ZDHHC17: variants seen among roughly 807,000 people sequenced by gnomAD.
ZDHHC17 encodes palmitoyltransferase ZDHHC17.
In ZDHHC17, 40 loss-of-function variants were observed where a neutral mutation model predicts 90.3. The observed-to-expected ratio is 0.44, with a 90% CI of 0.34 to 0.58. The LOEUF is 0.58. ZDHHC17 is among the 20% of genes least tolerant of loss of function. The pLI is 0.01. For missense variants in ZDHHC17, 614 were observed against 780.8 expected, an observed-to-expected ratio of 0.79 and a Z score of 2.55; for synonymous variants, 235 against 252.4, an observed-to-expected ratio of 0.93 and a Z score of 0.65.
chr12:76,846,106 G>T (rs543269887), intron 13 of ZDHHC17, among the ~76,000 whole-genome samples: 1 of 152,184 alleles, frequency 6.6e-6, no homozygotes, highest in Admixed American at 6.5e-5. Flanking sequence ...GATATTATGT[G>T]CAGAGGTAGA....
chr12:76,772,258 G>T (rs950143196), intron 1 of ZDHHC17, among the ~76,000 whole-genome samples: 6 of 152,140 alleles, frequency 3.9e-5, no homozygotes, highest in Non-Finnish European at 5.9e-5. Context: ...GGTTACAAAT[G>T]GTCTCATTTG....
chr12:76,782,563 TAAAG>T lies in ZDHHC17; in HGVS notation c.94-14866_94-14863del, dbSNP rs573647246. On this transcript the variant is annotated intron_variant, in intron 1 of 16. Coordinates refer to ENST00000426126, the MANE Select transcript of ZDHHC17 (RefSeq NM_015336.4). The stretch of plus-strand genomic sequence containing the variant: ...GTCTAGTGACATCTTGAAAGAAACT[TAAAG>T]AAAGTTGCCTGCTCAGCAGACACAA... Among the ~76,000 whole-genome samples the T allele has an allele frequency of 8.5e-5, 13 of 152,174 alleles. No individual in the cohort carries two copies. The South Asian group carries it at 1.5e-3, about 17-fold the overall frequency.
intron 1 of ZDHHC17, among the ~76,000 whole-genome samples, chr12:76,776,124 A>T (rs2137717408): frequency 6.6e-6 from 1 of 152,266 alleles, no homozygotes; most frequent in African/African-American, 2.4e-5. Context: ...GAAAAAAAAA[A>T]TTCTTGACAA....
intron 16 of ZDHHC17, chr12:76,849,720 ATAG>A: frequency 3.6e-6 from 1 of 275,966 alleles, no homozygotes; most frequent in South Asian, 7.5e-5. Flanking sequence ...GTGCTTAGAA[ATAG>A]TAGGGTCCTA....
chr12:76,767,898 C>G (rs757622969), intron 1 of ZDHHC17, among the ~76,000 whole-genome samples: 35 of 150,040 alleles, frequency 2.3e-4, no homozygotes, highest in Non-Finnish European at 4.7e-4. Flanking sequence ...GCAACAAGAG[C>G]AAAACTCTCT....
chr12:76,830,752 C>T (rs1390401781), intron 10 of ZDHHC17, among the ~76,000 whole-genome samples: 1 of 152,106 alleles, frequency 6.6e-6, no homozygotes, highest in Non-Finnish European at 1.5e-5. Context: ...AATCAGATCT[C>T]AAAATGTTAA....
chr12:76,821,932 G>A (rs560317493), intron 7 of ZDHHC17, among the ~76,000 whole-genome samples: 1 of 152,256 alleles, frequency 6.6e-6, no homozygotes, highest in South Asian at 2.1e-4. Context: ...CAGTACAATA[G>A]TGGTAGAAGT....
intron 10 of ZDHHC17, among the ~76,000 whole-genome samples, chr12:76,835,166 T>C (rs1953348853): frequency 6.6e-6 from 1 of 151,990 alleles, no homozygotes; most frequent in Admixed American, 6.6e-5. Context: ...TTCTCCCACT[T>C]CAGCCTCCTA....
intron 1 of ZDHHC17, among the ~76,000 whole-genome samples, chr12:76,786,161 C>CA (rs1952683766): frequency 6.6e-6 from 1 of 151,170 alleles, no homozygotes; most frequent in African/African-American, 2.4e-5. Flanking sequence ...TGCTCTGTTG[C>CA]CCAGGAGTGC....
At chr12:76,846,308 C>T in intron 13 of ZDHHC17, 2 of 330,520 alleles carry the variant, frequency 6.1e-6, no homozygotes, top group Non-Finnish European at 1.1e-5. Context: ...TAAAATAGGG[C>T]TATTTTAAAC....
At chr12:76,830,637 C>A (rs576684412) in intron 10 of ZDHHC17, among the ~76,000 whole-genome samples, 2 of 152,184 alleles carry the variant, frequency 1.3e-5, no homozygotes, top group South Asian at 4.1e-4. Context: ...TTTAAGCTTA[C>A]AATAAGCATT....
At chr12:76,797,345 A>G in intron 1 of ZDHHC17, 89 bp from the exon 2 acceptor site, 1 of 794,136 alleles carries the variant, frequency 1.3e-6, no homozygotes, top group South Asian at 2.7e-5. Context: ...CATTTCTCAA[A>G]CAACACAAAA....
chr12:76,852,405 G>A lies in ZDHHC17; in HGVS notation c.*1420G>A, dbSNP rs935779620. ...ATTTATCAAATAGTTTTCTCTTTGTGTCTGTGTTAGTGTTTTTAAAGCTGC... is the reference window on the plus strand; with the variant it reads ...ATTTATCAAATAGTTTTCTCTTTGTATCTGTGTTAGTGTTTTTAAAGCTGC... On this transcript the variant is annotated 3_prime_UTR_variant, in exon 17 of 17. Transcript: ENST00000426126. 2 of 152,606 alleles carry A rather than the reference G, an allele frequency of 1.3e-5. No individual in the cohort carries two copies. The highest frequency in any genetic ancestry group is 4.8e-5 in the African/African-American group (2 of 41,436). 9.5% of individuals were successfully genotyped at this position (152,606 alleles called of 1,614,324 possible). A position where few individuals can be genotyped will look rare whatever the true frequency, so the allele number is the denominator to read the frequency against.
At chr12:76,809,628 C>T in intron 4 of ZDHHC17, 85 bp from the exon 5 acceptor site, 2 of 1,121,156 alleles carry the variant, frequency 1.8e-6, no homozygotes, top group Non-Finnish European at 2.4e-6. Context: ...ATCTTCCCAC[C>T]ATACCTTACT....
At chr12:76,778,778 C>T (rs771740035) in intron 1 of ZDHHC17, among the ~76,000 whole-genome samples, 8 of 152,284 alleles carry the variant, frequency 5.3e-5, no homozygotes, top group Admixed American at 1.3e-4. Flanking sequence ...TGTCTCTTCA[C>T]GTCTGTATGA....
Position 76,797,430 on chromosome 12 carries a change from A to G in ZDHHC17, c.94-4A>G. ...TTGCCTGTGTGTGATTTTCTTTTTA[A>G]CAGGAAATCAAACCCCAAAGCCATT... On this transcript the variant is annotated splice_polypyrimidine_tract_variant and splice_region_variant and intron_variant, in intron 1 of 16. Transcript: ENST00000426126. The G allele has an allele frequency of 6.3e-7, 1 of 1,590,784 alleles. No individual in the cohort carries two copies. Among genetic ancestry groups the G allele is most frequent in the Non-Finnish European group, 8.5e-7 (1 of 1,171,346 alleles).
At chr12:76,781,270 A>C (rs1952622588) in intron 1 of ZDHHC17, among the ~76,000 whole-genome samples, 1 of 152,260 alleles carries the variant, frequency 6.6e-6, no homozygotes, top group Admixed American at 6.5e-5. Context: ...TAAAACTAAT[A>C]CGTACTTACC....
At chr12:76,787,325 A>G (rs1386488216) in intron 1 of ZDHHC17, among the ~76,000 whole-genome samples, 3 of 152,230 alleles carry the variant, frequency 2.0e-5, no homozygotes, top group Non-Finnish European at 2.9e-5. Context: ...AGAATCTCCA[A>G]TGAAATATTA....
chr12:76,848,036 T>C (rs1953515483), intron 14 of ZDHHC17, among the ~76,000 whole-genome samples, 197 bp from the exon 15 acceptor site: 1 of 152,238 alleles, frequency 6.6e-6, no homozygotes, highest in South Asian at 2.1e-4. Context: ...TAAGATTGGC[T>C]GCTCCTTTTC....
Sources: allele counts gnomAD v4.1 joint callset (sites outside exome capture counted in the v4.1 genomes callset), GRCh38; gene constraint gnomAD v4.1.1; transcripts MANE v1.5; gene names NCBI Gene and HGNC (gene_info 2026-07-23, HGNC 2026-07-21).